The following KIAA1217 variants were observed in gnomAD, a reference collection of about 807,000 sequenced individuals.
The protein encoded by KIAA1217 is KIAA1217.
A neutral mutation model predicts 163.9 loss-of-function variants in KIAA1217; 88 were observed. The ratio of observed to expected loss-of-function variants is 0.54; its 90% confidence interval spans 0.45 to 0.64. The LOEUF is 0.64. Among genes scored for constraint, KIAA1217 ranks in the 30% least tolerant of loss-of-function variants. The pLI, the probability that KIAA1217 is intolerant of heterozygous loss-of-function variation, is 0.00. For synonymous variants in KIAA1217, 903 were observed against 923.1 expected (o/e 0.98, Z 0.39); for missense variants, 2,372 against 2,475.0 (o/e 0.96, Z 0.88).
intron 1 of KIAA1217, among the ~76,000 whole-genome samples, chr10:23,853,631 A>T (rs1730906011): frequency 6.6e-6 from 1 of 152,136 alleles, no homozygotes; most frequent in African/African-American, 2.4e-5. Flanking sequence ...TCGCGTGTGA[A>T]TCCATCTGGT....
rs540392446 is a variant in KIAA1217, at chr10:24,540,767, A to G, written c.3535-1926A>G. ...CTTTTTTTTAAATTCATTTACATAT[A>G]TATATACATATATTTTGAGACAGAA... On this transcript the variant is annotated intron_variant, in intron 17 of 20. Transcript: ENST00000376454. 8.3e-4 allele frequency among the ~76,000 whole-genome samples: 126 copies of G among 152,174 alleles called. 1 individual carries two copies. The highest frequency in any genetic ancestry group is 3.0e-3 in the African/African-American group (123 of 41,504).
chr10:23,720,738 T>A (rs1334676379), intron 1 of KIAA1217, among the ~76,000 whole-genome samples: 2 of 152,206 alleles, frequency 1.3e-5, no homozygotes, highest in Non-Finnish European at 2.9e-5. Context: ...AATCCCCATA[T>A]CATGGAACTA....
chr10:24,476,072 C>CG (rs2064001437), intron 6 of KIAA1217, among the ~76,000 whole-genome samples: 1 of 152,084 alleles, frequency 6.6e-6, no homozygotes, highest in Non-Finnish European at 1.5e-5. Context: ...GTTTCCACCC[C>CG]GGTTCTTGGA....
At chr10:24,048,857 C>A (rs1198452441) in intron 2 of KIAA1217, among the ~76,000 whole-genome samples, 1 of 151,622 alleles carries the variant, frequency 6.6e-6, no homozygotes, top group Non-Finnish European at 1.5e-5. Context: ...ATGGTGAAAC[C>A]CCATCTCTAC....
intron 1 of KIAA1217, among the ~76,000 whole-genome samples, chr10:23,763,987 C>T (rs970653290): frequency 5.3e-5 from 8 of 152,190 alleles, no homozygotes; most frequent in African/African-American, 1.7e-4. Context: ...AGCTTCTGCA[C>T]AGCAAAAGAA....
At chr10:24,394,088 G>T (rs535134232) in intron 3 of KIAA1217, among the ~76,000 whole-genome samples, 1 of 152,318 alleles carries the variant, frequency 6.6e-6, no homozygotes, top group African/African-American at 2.4e-5. Flanking sequence ...CAAGGGGAAA[G>T]TTTAAAACCT....
At chr10:24,232,575 G>A (rs923149443) in intron 2 of KIAA1217, among the ~76,000 whole-genome samples, 31 of 152,086 alleles carry the variant, frequency 2.0e-4, no homozygotes, top group African/African-American at 7.5e-4. Flanking sequence ...GTCAGCTAGA[G>A]GAAATTGCCA....
rs543898262 is a variant in KIAA1217 at position 24,141,898 on chromosome 10, G to A, written c.-170-77728G>A. Among the ~76,000 whole-genome samples the A allele has an allele frequency of 3.2e-4, 49 of 151,690 alleles. 1 individual carries two copies. The highest frequency in any genetic ancestry group is 3.4e-3 in the Middle Eastern group (1 of 294). On this transcript the variant is annotated intron_variant, in intron 2 of 18. Transcript: ENST00000376462. ...TTTTAGTGTTTTTTATGTGTTTTGT[G>A]TTCTAAATTTTATTTTTCAGCCTCA...
intron 1 of KIAA1217, among the ~76,000 whole-genome samples, chr10:23,923,643 C>T (rs1842924915): frequency 6.8e-6 from 1 of 146,704 alleles, no homozygotes; most frequent in African/African-American, 2.7e-5. Flanking sequence ...GCCACAACAA[C>T]AGGTCACCAC....
chr10:24,416,301 C>T (rs939918802), intron 3 of KIAA1217, among the ~76,000 whole-genome samples: 1 of 152,188 alleles, frequency 6.6e-6, no homozygotes, highest in African/African-American at 2.4e-5. Flanking sequence ...CAAAAATAAT[C>T]AGATCCCTGC....
rs936493823 is a variant in KIAA1217 at position 24,177,766 on chromosome 10, A to G, written c.-170-41860A>G. Among the ~76,000 whole-genome samples, 6 of 152,092 alleles carry G rather than the reference A, an allele frequency of 3.9e-5. 1 individual carries two copies. The highest frequency in any genetic ancestry group is 4.1e-4 in the South Asian group (2 of 4,822). ...GGGAGGCTAGCTTCACTTGATTTCC[A>G]GTGAATAGTGCTGATGAGTCAGGAC... On this transcript the variant is annotated intron_variant, in intron 2 of 18. Coordinates refer to the KIAA1217 transcript ENST00000376462.
At chr10:24,224,322 ATCTT>A (rs2070143861) in intron 2 of KIAA1217, among the ~76,000 whole-genome samples, 1 of 151,774 alleles carries the variant, frequency 6.6e-6, no homozygotes, top group Middle Eastern at 3.2e-3. Context: ...TAATAGCTTA[ATCTT>A]TCTTTCTTTT....
chr10:23,937,897 C>T (rs1938053), intron 1 of KIAA1217, among the ~76,000 whole-genome samples: 3 of 151,972 alleles, frequency 2.0e-5, no homozygotes, highest in South Asian at 2.1e-4. Flanking sequence ...TTCCAGGAAT[C>T]GGTTTCCAGA....
rs12265883 is a variant in KIAA1217 at position 24,019,523 on chromosome 10, G to A, written c.-171+12149G>A. 8.0e-3 allele frequency among the ~76,000 whole-genome samples: 1,218 copies of A among 151,994 alleles called. 15 individuals carry two copies. The highest frequency in any genetic ancestry group is 0.028 in the African/African-American group (1,151 of 41,540). ...AGTGGGGAAGATAGAACACATTTCAGATTGAAGATTTGGGGCAGGGGAGGG... is the reference window on the plus strand; with the variant it reads ...AGTGGGGAAGATAGAACACATTTCAAATTGAAGATTTGGGGCAGGGGAGGG... On this transcript the variant is annotated intron_variant, in intron 2 of 18. Transcript: ENST00000376462.
chr10:24,474,135 ACCGACAGAATAAATGT>A, intron 6 of KIAA1217, 75 bp downstream of exon 6: 1 of 1,072,928 alleles, frequency 9.3e-7, no homozygotes, highest in Non-Finnish European at 1.4e-6. Flanking sequence ...CAGGGGTCAA[ACCGACAGAATAAATGT>A]CTGAGCACCC....
At chr10:24,246,584 A>G (rs1236495920) in intron 2 of KIAA1217, among the ~76,000 whole-genome samples, 1 of 152,252 alleles carries the variant, frequency 6.6e-6, no homozygotes, top group African/African-American at 2.4e-5. Context: ...AGGAACACAT[A>G]ACCAAGTTAT....
intron 2 of KIAA1217, among the ~76,000 whole-genome samples, chr10:24,177,422 G>A (rs1205591377): frequency 6.8e-6 from 1 of 147,432 alleles, no homozygotes; most frequent in Non-Finnish European, 1.5e-5. Context: ...TTGATCAGTG[G>A]GCATTTAGGC....
chr10:24,018,021 A>T (rs1223272966), intron 2 of KIAA1217, among the ~76,000 whole-genome samples: 1 of 152,070 alleles, frequency 6.6e-6, no homozygotes, highest in Non-Finnish European at 1.5e-5. Context: ...GCCCCCCAAA[A>T]AGTAAGATCC....
intron 1 of KIAA1217, among the ~76,000 whole-genome samples, chr10:23,791,316 C>T (rs1835942029): frequency 6.6e-6 from 1 of 152,044 alleles, no homozygotes; most frequent in African/African-American, 2.4e-5. Context: ...CTCACCCAAC[C>T]TCAACAATTA....
Sources: allele counts gnomAD v4.1 joint callset (sites outside exome capture counted in the v4.1 genomes callset), GRCh38; gene constraint gnomAD v4.1.1; transcripts MANE v1.5; gene names NCBI Gene and HGNC (gene_info 2026-07-23, HGNC 2026-07-21).